Variants in NUMB observed in about 807,000 individuals in gnomAD.
The protein encoded by NUMB is NUMB endocytic adaptor protein, also known as protein numb homolog.
A neutral mutation model predicts 59.7 loss-of-function variants in NUMB; 29 were observed. The ratio of observed to expected loss-of-function variants is 0.49; its 90% CI spans 0.36 to 0.66. NUMB has a LOEUF of 0.66. Among genes scored for constraint, NUMB ranks in the 30% least tolerant of loss-of-function variants. The probability of loss-of-function intolerance (pLI) is 0.00; values close to 1 mark genes in which losing one functional copy is unlikely to be tolerated. For synonymous variants in NUMB, 288 were observed against 288.2 expected, an observed-to-expected ratio of 1.00 and a Z score of 0.01; for missense variants, 723 against 822.0, an observed-to-expected ratio of 0.88 and a Z score of 1.47.
chr14:73,297,888 A>G (rs1164885461), intron 6 of NUMB: 1 of 151,410 alleles, frequency 6.6e-6, no homozygotes, highest in Non-Finnish European at 1.5e-5. Context: ...ATTTTTCCTA[A>G]TAATTTTTTT....
At chr14:73,403,722 G>A (rs765654443) in intron 2 of NUMB, among the ~76,000 whole-genome samples, 3 of 152,106 alleles carry the variant, frequency 2.0e-5, no homozygotes, top group African/African-American at 2.4e-5. Flanking sequence ...TTGGGAAGCC[G>A]AGGCAGGCAA....
intron 2 of NUMB, among the ~76,000 whole-genome samples, chr14:73,368,773 T>C (rs1199420547): frequency 2.0e-5 from 3 of 152,042 alleles, no homozygotes; most frequent in Non-Finnish European, 4.4e-5. Flanking sequence ...TATGACAAAA[T>C]ACAGCAAATG....
At position 73,279,276 on chromosome 14, in the gene NUMB, CT is replaced by C; in HGVS notation, c.1240+4del. 6.2e-7 allele frequency: 1 copy of C among 1,614,144 alleles called. No homozygotes were observed. The highest frequency in any genetic ancestry group is 8.5e-7 in the Non-Finnish European group (1 of 1,179,994). On this transcript the variant is annotated splice_donor_region_variant and intron_variant, in intron 12 of 12. Transcript: ENST00000555238. Reference sequence around the variant, plus strand: ...AATCCTCAACACCATCTGTGGCCACCTTACCCGAACATGTGGCTGCAATTTC... The same window carrying C: ...AATCCTCAACACCATCTGTGGCCACCTACCCGAACATGTGGCTGCAATTTC...
intron 1 of NUMB, among the ~76,000 whole-genome samples, chr14:73,424,729 C>A (rs1002295566): frequency 2.6e-5 from 4 of 152,120 alleles, no homozygotes; most frequent in African/African-American, 9.7e-5. Context: ...TCAGGTTTTC[C>A]TAAAAAAGAA....
At chr14:73,354,754 G>A (rs1192376843) in intron 4 of NUMB, among the ~76,000 whole-genome samples, 1 of 137,854 alleles carries the variant, frequency 7.3e-6, no homozygotes, top group Non-Finnish European at 1.5e-5. Context: ...CTTGAACCCA[G>A]GAGGTGGAGA....
At chr14:73,313,713 A>G (rs1890915841) in intron 6 of NUMB, among the ~76,000 whole-genome samples, 1 of 150,106 alleles carries the variant, frequency 6.7e-6, no homozygotes, top group Non-Finnish European at 1.5e-5. Flanking sequence ...TTCAGGTCCT[A>G]AACATTTCAA....
chr14:73,316,493 A>AAGCACATAC (rs1891092341), intron 5 of NUMB, 71 bp from the exon 6 acceptor site: 3 of 1,411,062 alleles, frequency 2.1e-6, no homozygotes, highest in Non-Finnish European at 3.0e-6. Flanking sequence ...TCACACCAAT[A>AAGCACATAC]AGCACATACA....
At chr14:73,382,533 C>A (rs1895297973) in intron 2 of NUMB, among the ~76,000 whole-genome samples, 1 of 151,802 alleles carries the variant, frequency 6.6e-6, no homozygotes, top group Admixed American at 6.6e-5. Flanking sequence ...GAGGCCCTGA[C>A]ACATACCCTA....
intron 4 of NUMB, among the ~76,000 whole-genome samples, chr14:73,351,178 AAAAT>A: frequency 6.6e-6 from 1 of 152,332 alleles, no homozygotes; most frequent in South Asian, 2.1e-4. Flanking sequence ...ATACATTTTT[AAAAT>A]AAATAAGATG....
chr14:73,277,039 G>A lies in NUMB; in HGVS notation c.1495C>T (p.Pro499Ser), dbSNP rs1474309369. The A allele has an allele frequency of 6.2e-7, 1 of 1,614,132 alleles. No individual in the cohort carries two copies. The change falls in exon 13 of 13, where the codon CCA becomes TCA. Residue 499 changes from proline to serine, a missense_variant. This residue lies in a region of NUMB where 406 missense variants were observed against 385.4 expected (regional missense o/e 1.05). Coordinates refer to ENST00000555238, the MANE Select transcript of NUMB (RefSeq NM_001005743.2). ...TSQPVPVGVV[P>S]ALQPAFVPAQ... Reference sequence around the variant, plus strand: ...GGGACAAAGGCTGGTTGCAGGGCTGGGACCACACCCACTGGCACAGGCTGA... The same window carrying A: ...GGGACAAAGGCTGGTTGCAGGGCTGAGACCACACCCACTGGCACAGGCTGA...
intron 6 of NUMB, among the ~76,000 whole-genome samples, chr14:73,301,674 A>G (rs1425004018): frequency 6.6e-6 from 1 of 152,196 alleles, no homozygotes; most frequent in Non-Finnish European, 1.5e-5. Context: ...TGACATAATC[A>G]TAATTCACTG....
At chr14:73,435,899 G>C (rs574302756) in intron 1 of NUMB, among the ~76,000 whole-genome samples, 2 of 151,834 alleles carry the variant, frequency 1.3e-5, no homozygotes, top group East Asian at 2.0e-4. Context: ...CCAACTACTT[G>C]GGAGGCTGAT....
Position 73,276,551 on chromosome 14 carries a change from G to T in NUMB, c.*27C>A, listed in dbSNP as rs1461224656. 6.3e-7 allele frequency: 1 copy of T among 1,576,620 alleles called. No individual in the cohort carries two copies. The highest frequency in any genetic ancestry group is 1.1e-5 in the South Asian group (1 of 87,466). On this transcript the variant is annotated 3_prime_UTR_variant, in exon 13 of 13. Coordinates refer to ENST00000555238, the MANE Select transcript of NUMB (RefSeq NM_001005743.2). ...TACCCCCTGCTCCCTGTCTGGTATG[G>T]ACAAGATACATAGCCATAATGATTG...
At chr14:73,402,533 A>G (rs751014246) in intron 2 of NUMB, among the ~76,000 whole-genome samples, 1 of 152,208 alleles carries the variant, frequency 6.6e-6, no homozygotes, top group Non-Finnish European at 1.5e-5. Context: ...ATAATCTTCT[A>G]CTATAAAGTC....
Position 73,453,856 on chromosome 14 carries a change from C to T in NUMB, c.-233+4637G>A, listed in dbSNP as rs970067755. ...TCTCCTGACCTCGTGATCCGTCTGC[C>T]TCGGCCTCCCAAAGTGCTGGGATTA... is the stretch of plus-strand genomic sequence containing the variant. On this transcript the variant is annotated intron_variant, in intron 1 of 12. Transcript: ENST00000555238. Among the ~76,000 whole-genome samples, 38 of 152,216 alleles carry T rather than the reference C, an allele frequency of 2.5e-4. 1 individual carries two copies. Among genetic ancestry groups the T allele is most frequent in the African/African-American group, 8.9e-4 (37 of 41,540 alleles).
At chr14:73,398,384 G>GACAC (rs57541659) in intron 2 of NUMB, among the ~76,000 whole-genome samples, 3 of 141,238 alleles carry the variant, frequency 2.1e-5, no homozygotes, top group African/African-American at 8.1e-5. Context: ...ATGAGAGAGA[G>GACAC]ACACACACAG....
intron 2 of NUMB, among the ~76,000 whole-genome samples, chr14:73,395,892 G>A (rs1271373133): frequency 6.6e-6 from 1 of 152,158 alleles, no homozygotes; most frequent in African/African-American, 2.4e-5. Flanking sequence ...GTTCTAGAAT[G>A]GCTAGATGGA....
intron 4 of NUMB, among the ~76,000 whole-genome samples, chr14:73,335,388 GA>G (rs1359610731): frequency 6.8e-6 from 1 of 147,296 alleles, no homozygotes; most frequent in Non-Finnish European, 1.5e-5. Context: ...CGTGGAAATA[GA>G]AATAAGCTTT....
At chr14:73,366,382 T>A (rs8015941) in intron 3 of NUMB, among the ~76,000 whole-genome samples, 86,398 of 152,064 alleles carry the variant, frequency 0.57, 26,187 homozygotes, top group African/African-American at 0.77. Flanking sequence ...GCTTTATCCA[T>A]ATTTCCTAAT....
Sources: allele counts gnomAD v4.1 joint callset (sites outside exome capture counted in the v4.1 genomes callset), GRCh38; gene constraint gnomAD v4.1.1; regional missense constraint gnomAD v4.1.1; transcripts MANE v1.5; gene names NCBI Gene and HGNC (gene_info 2026-07-23, HGNC 2026-07-21).